Variants in CNIH3 observed in about 807,000 individuals in gnomAD.
CNIH3 encodes cornichon family AMPA receptor auxiliary protein 3, also known as protein cornichon homolog 3.
In CNIH3, 14 loss-of-function variants were observed where a neutral mutation model predicts 24.1. That is an observed-to-expected ratio of 0.58 (90% confidence interval 0.38 to 0.91). The LOEUF (loss-of-function observed/expected upper bound fraction) is 0.91, where lower values mean the gene tolerates loss of function less well. Among genes scored for constraint, CNIH3 ranks in the 40% least tolerant of loss-of-function variants. The pLI is 0.00. For synonymous variants in CNIH3, 68 were observed against 73.8 expected (o/e 0.92, Z 0.40); for missense variants, 178 against 196.8 (o/e 0.90, Z 0.57).
upstream of CNIH3, among the ~76,000 whole-genome samples, chr1:224,515,208 A>T (rs1678332121): frequency 6.6e-6 from 1 of 152,186 alleles, no homozygotes; most frequent in Non-Finnish European, 1.5e-5. Flanking sequence ...CATTGATTTG[A>T]TTACCACTCT....
chr1:224,523,209 A>C (rs1192500923), intron 2 of CNIH3, among the ~76,000 whole-genome samples: 1 of 152,150 alleles, frequency 6.6e-6, no homozygotes, highest in East Asian at 1.9e-4. Flanking sequence ...ACTGCACTCC[A>C]GCCTGGGTGA....
At chr1:224,435,218 G>T (rs1019035805) in intron 1 of CNIH3, 2 of 986,160 alleles carry the variant, frequency 2.0e-6, no homozygotes, top group African/African-American at 1.7e-5. Context: ...TAGGAGCTTC[G>T]ACAGGCAGGA....
intron 3 of CNIH3, among the ~76,000 whole-genome samples, chr1:224,594,347 G>T (rs1440174779): frequency 6.6e-6 from 1 of 152,196 alleles, no homozygotes; most frequent in African/African-American, 2.4e-5. Flanking sequence ...TTAGGATTTG[G>T]AGTAGATCTT....
chr1:224,464,875 A>C (rs1676089259), intron 1 of CNIH3, among the ~76,000 whole-genome samples: 1 of 152,068 alleles, frequency 6.6e-6, no homozygotes, highest in Admixed American at 6.5e-5. Context: ...AGCTCACTGC[A>C]GTCATTAATT....
chr1:224,646,293 G>A (rs1474494638), intron 1 of CNIH3, among the ~76,000 whole-genome samples: 1 of 152,204 alleles, frequency 6.6e-6, no homozygotes, highest in Non-Finnish European at 1.5e-5. Context: ...CTGAGGCAAC[G>A]TTAATACAGA....
chr1:224,694,043 AG>A (rs1191875440), intron 3 of CNIH3, among the ~76,000 whole-genome samples: 1 of 152,238 alleles, frequency 6.6e-6, no homozygotes, highest in African/African-American at 2.4e-5. Context: ...AAGCAATGCC[AG>A]GATGGCTCCC....
chr1:224,738,572 T>C (rs1198272934), intron 5 of CNIH3, among the ~76,000 whole-genome samples: 1 of 152,232 alleles, frequency 6.6e-6, no homozygotes, highest in Admixed American at 6.5e-5. Flanking sequence ...TCTTTTTTTC[T>C]CACTATAATG....
chr1:224,663,259 T>C (rs1328239379), intron 1 of CNIH3, among the ~76,000 whole-genome samples: 1 of 152,072 alleles, frequency 6.6e-6, no homozygotes, highest in Admixed American at 6.6e-5. Context: ...GCCGTAGACT[T>C]TCCCTTGCTC....
At chr1:224,500,191 T>A (rs78725130) in intron 1 of CNIH3, among the ~76,000 whole-genome samples, 10 of 151,408 alleles carry the variant, frequency 6.6e-5, no homozygotes, top group South Asian at 6.4e-4. Context: ...TTTTTTTTTT[T>A]ATAGAGATAG....
At chr1:224,724,687 A>G (rs1349245985) in intron 3 of CNIH3, among the ~76,000 whole-genome samples, 1 of 152,206 alleles carries the variant, frequency 6.6e-6, no homozygotes, top group Non-Finnish European at 1.5e-5. Flanking sequence ...TGTTGAAAAC[A>G]GGCAAGGATT....
rs149757767 is a variant in CNIH3 at position 224,662,846 on chromosome 1, A to G, written c.82-18112A>G. Reference sequence around the variant, plus strand: ...AGTTTATGAACATGTTCATGTGGCTAAATTTTGCCCTGGTAGGTAATCCAG... The same window carrying G: ...AGTTTATGAACATGTTCATGTGGCTGAATTTTGCCCTGGTAGGTAATCCAG... On this transcript the variant is annotated intron_variant, in intron 1 of 5. Transcript: ENST00000272133. Among the ~76,000 whole-genome samples, 881 of 152,298 alleles carry G rather than the reference A, an allele frequency of 5.8e-3. 8 individuals carry two copies. The highest frequency in any genetic ancestry group is 0.02 in the African/African-American group (819 of 41,558).
chr1:224,566,622 G>C (rs1300852376), intron 4 of CNIH3, among the ~76,000 whole-genome samples: 1 of 152,054 alleles, frequency 6.6e-6, no homozygotes. Flanking sequence ...TGTGGTGTTT[G>C]GTTTTCTGTT....
chr1:224,702,521 C>T (rs966184351), intron 3 of CNIH3, among the ~76,000 whole-genome samples: 2 of 152,274 alleles, frequency 1.3e-5, no homozygotes, highest in Non-Finnish European at 2.9e-5. Context: ...AGGGTGCAGG[C>T]TGGCCTGTTG....
At chr1:224,454,300 C>T (rs1675555502) in intron 1 of CNIH3, 1 of 880,870 alleles carries the variant, frequency 1.1e-6, no homozygotes, top group African/African-American at 1.8e-5. Context: ...AGCTGTCCTT[C>T]CACTCTATCA....
At chr1:224,647,667 T>C (rs1287063409) in intron 1 of CNIH3, among the ~76,000 whole-genome samples, 3 of 152,164 alleles carry the variant, frequency 2.0e-5, no homozygotes, top group Non-Finnish European at 2.9e-5. Context: ...TTAACCCCAC[T>C]TCTAGAGAGG....
intron 4 of CNIH3, among the ~76,000 whole-genome samples, chr1:224,569,838 C>A (rs1018550350): frequency 2.0e-5 from 3 of 151,960 alleles, no homozygotes; most frequent in Admixed American, 6.6e-5. Context: ...GGCTGGAGTG[C>A]AATGGCGCGA....
intron 1 of CNIH3, among the ~76,000 whole-genome samples, chr1:224,674,907 G>A (rs998747146): frequency 6.6e-6 from 1 of 152,048 alleles, no homozygotes; most frequent in African/African-American, 2.4e-5. Context: ...CTCTGGTGCT[G>A]CATCTCCTGC....
intron 3 of CNIH3, chr1:224,546,958 A>G (rs1679725913): frequency 1.0e-6 from 1 of 959,040 alleles, no homozygotes; most frequent in Admixed American, 6.2e-5. Flanking sequence ...GAAACAAGAC[A>G]CTCAACCACT....
chr1:224,519,604 TTAAA>T (rs1678541073), intron 1 of CNIH3, among the ~76,000 whole-genome samples: 1 of 149,754 alleles, frequency 6.7e-6, no homozygotes, highest in Admixed American at 6.7e-5. Context: ...ATGTAATATA[TTAAA>T]TAATATATAT....
Sources: gnomAD v4.1 joint callset for allele counts (sites outside exome capture counted in the v4.1 genomes callset) on GRCh38, gnomAD v4.1.1 for gene constraint, MANE v1.5 for transcripts, NCBI Gene and HGNC (gene_info 2026-07-23, HGNC 2026-07-21) for gene names.